Variants in APP observed in about 807,000 individuals in gnomAD.
The protein encoded by APP is amyloid-beta precursor protein.
In APP, 31 loss-of-function variants were observed where a neutral mutation model predicts 101.4. The ratio of observed to expected loss-of-function variants is 0.31; its 90% CI spans 0.23 to 0.41. The LOEUF is 0.41. Ranked by LOEUF, APP falls within the 10% of genes least tolerant of loss-of-function variation. The pLI, the probability that APP is intolerant of heterozygous loss-of-function variation, is 1.00. For synonymous variants in APP, 366 were observed against 364.4 expected (o/e 1.00, Z -0.05); for missense variants, 839 against 1,003.7 (o/e 0.84, Z 2.22).
At chr21:26,039,586 A>G (rs1288776494) in intron 5 of APP, among the ~76,000 whole-genome samples, 1 of 152,230 alleles carries the variant, frequency 6.6e-6, no homozygotes, top group Non-Finnish European at 1.5e-5. Flanking sequence ...TAAAACAATG[A>G]GCCAATCCAC....
rs570898850 is a variant in APP, at chr21:26,147,617, T to C, written c.57+22947A>G. 4.8e-4 allele frequency among the ~76,000 whole-genome samples: 72 copies of C among 151,178 alleles called. 2 individuals carry two copies. The South Asian group carries it at 0.015, about 31-fold the overall frequency. The stretch of plus-strand genomic sequence containing the variant: ...GATGTAACTTAAAAGAAAAAAAAAA[T>C]CTTTTAAATGGCTCAATCAATTTAT... On this transcript the variant is annotated intron_variant, in intron 1 of 17. Coordinates refer to ENST00000346798, the MANE Select transcript of APP (RefSeq NM_000484.4).
chr21:26,035,204 C>T (rs1334437171), intron 5 of APP, among the ~76,000 whole-genome samples: 1 of 152,062 alleles, frequency 6.6e-6, no homozygotes, highest in Non-Finnish European at 1.5e-5. Flanking sequence ...GAGGTCAAGG[C>T]TACAGTGAGC....
At chr21:25,991,432 C>T (rs547372742) in intron 8 of APP, among the ~76,000 whole-genome samples, 10 of 152,212 alleles carry the variant, frequency 6.6e-5, no homozygotes, top group Admixed American at 2.0e-4. Context: ...GGCTGGAGTG[C>T]GATGGTGTGA....
chr21:26,076,870 T>A (rs575663656), intron 3 of APP, among the ~76,000 whole-genome samples: 1 of 152,224 alleles, frequency 6.6e-6, no homozygotes, highest in South Asian at 2.1e-4. Flanking sequence ...GAGACCATCC[T>A]GGCTAACACG....
At chr21:26,115,964 T>C (rs2062426427) in intron 1 of APP, among the ~76,000 whole-genome samples, 1 of 152,208 alleles carries the variant, frequency 6.6e-6, no homozygotes, top group South Asian at 2.1e-4. Flanking sequence ...TTTGCAAAAA[T>C]CTAAGACAAC....
chr21:26,111,560 A>AC (rs2062324386), intron 2 of APP, among the ~76,000 whole-genome samples: 1 of 151,632 alleles, frequency 6.6e-6, no homozygotes, highest in South Asian at 2.1e-4. Context: ...ACACAAGGAG[A>AC]CCCCATCTCT....
At chr21:25,981,509 T>C (rs2073315516) in intron 9 of APP, among the ~76,000 whole-genome samples, 1 of 152,282 alleles carries the variant, frequency 6.6e-6, no homozygotes, top group East Asian at 1.9e-4. Context: ...GTTGATTGAA[T>C]GAATGAATGA....
At chr21:25,907,199 C>A (rs2038837256) in intron 14 of APP, among the ~76,000 whole-genome samples, 2 of 152,066 alleles carry the variant, frequency 1.3e-5, no homozygotes, top group African/African-American at 4.8e-5. Context: ...AATAATAAAA[C>A]CCTAACCCTA....
intron 3 of APP, among the ~76,000 whole-genome samples, chr21:26,060,073 T>C (rs2046211717): frequency 6.6e-6 from 1 of 152,068 alleles, no homozygotes; most frequent in African/African-American, 2.4e-5. Context: ...ATAGTATCCT[T>C]CTCCCCAGTA....
chr21:26,129,383 T>C (rs543964963), intron 1 of APP, among the ~76,000 whole-genome samples: 4 of 152,046 alleles, frequency 2.6e-5, no homozygotes, highest in South Asian at 2.1e-4. Context: ...AAGCAGAGAA[T>C]TGCTTGAACC....
chr21:26,010,578 G>C (rs1366782097), intron 6 of APP, among the ~76,000 whole-genome samples: 1 of 152,014 alleles, frequency 6.6e-6, no homozygotes, highest in Non-Finnish European at 1.5e-5. Flanking sequence ...GGGAGGCCGA[G>C]ATGGATGGAT....
intron 3 of APP, among the ~76,000 whole-genome samples, chr21:26,069,546 C>T (rs544889315): frequency 2.6e-5 from 4 of 152,148 alleles, no homozygotes; most frequent in East Asian, 1.9e-4. Flanking sequence ...ATATCACCAA[C>T]GACCACCCAC....
intron 5 of APP, among the ~76,000 whole-genome samples, chr21:26,027,712 C>A (rs987708782): frequency 1.3e-5 from 2 of 152,110 alleles, no homozygotes; most frequent in Non-Finnish European, 2.9e-5. Context: ...TGCTGGCTAT[C>A]TAGTTGTGTG....
chr21:26,011,985 G>GT (rs2146731016), intron 6 of APP, among the ~76,000 whole-genome samples: 1 of 151,914 alleles, frequency 6.6e-6, no homozygotes, highest in South Asian at 2.1e-4. Context: ...TAAATATAGC[G>GT]TAACCTTTAA....
At chr21:25,966,387 ATGG>A (rs1281160059) in intron 11 of APP, among the ~76,000 whole-genome samples, 1 of 152,220 alleles carries the variant, frequency 6.6e-6, no homozygotes, top group African/African-American at 2.4e-5. Flanking sequence ...AAATAAACGG[ATGG>A]TGAACAAATA....
At chr21:25,907,565 G>C (rs1047762404) in intron 14 of APP, among the ~76,000 whole-genome samples, 1 of 152,180 alleles carries the variant, frequency 6.6e-6, no homozygotes, top group African/African-American at 2.4e-5. Flanking sequence ...ACTTTTAATA[G>C]AGTTAAAATA....
chr21:25,915,792 C>T (rs146284679), intron 13 of APP, among the ~76,000 whole-genome samples: 57 of 152,322 alleles, frequency 3.7e-4, no homozygotes, highest in African/African-American at 1.3e-3. Context: ...GGTTGAGGTA[C>T]GCTGTAGTAC....
chr21:25,964,597 TTTTC>T, intron 11 of APP, among the ~76,000 whole-genome samples: 1 of 146,602 alleles, frequency 6.8e-6, no homozygotes. Flanking sequence ...TAGTGACCTT[TTTTC>T]TTTTCTTTTT....
chr21:26,166,845 C>G (rs916940663), intron 1 of APP, among the ~76,000 whole-genome samples: 3 of 151,198 alleles, frequency 2.0e-5, no homozygotes. Flanking sequence ...GTTGAGAATA[C>G]CCTGCACCAG....
Sources: gnomAD v4.1 joint callset for allele counts (sites outside exome capture counted in the v4.1 genomes callset) on GRCh38, gnomAD v4.1.1 for gene constraint, MANE v1.5 for transcripts, NCBI Gene and HGNC (gene_info 2026-07-23, HGNC 2026-07-21) for gene names.